Variants in PTPRT observed in about 807,000 individuals in gnomAD.
PTPRT encodes the protein protein tyrosine phosphatase receptor type T.
Under a neutral mutation model 176.8 loss-of-function variants are expected in PTPRT, and 56 were observed. That is an observed-to-expected ratio of 0.32 (90% CI 0.26 to 0.40). The LOEUF (loss-of-function observed/expected upper bound fraction) is 0.40, where lower values mean the gene tolerates loss of function less well. Among genes scored for constraint, PTPRT ranks in the 10% least tolerant of loss-of-function variants. The pLI is 1.00. For synonymous variants in PTPRT, 783 were observed against 739.0 expected, an observed-to-expected ratio of 1.06 and a Z score of -0.96; for missense variants, 1,540 against 1,908.2, an observed-to-expected ratio of 0.81 and a Z score of 3.60.
intron 12 of PTPRT, among the ~76,000 whole-genome samples, chr20:42,315,042 C>G (rs2057696211): frequency 2.0e-5 from 3 of 152,120 alleles, no homozygotes; most frequent in Non-Finnish European, 4.4e-5. Context: ...AATATTATGA[C>G]TGGTGCCAAT....
chr20:42,882,172 A>C (rs1191306450), intron 2 of PTPRT, among the ~76,000 whole-genome samples: 1 of 152,234 alleles, frequency 6.6e-6, no homozygotes, highest in Non-Finnish European at 1.5e-5. Context: ...TTACAGAAAG[A>C]AAAGCAAGAT....
chr20:42,652,418 G>A (rs2075049170), intron 7 of PTPRT, among the ~76,000 whole-genome samples: 1 of 152,148 alleles, frequency 6.6e-6, no homozygotes. Context: ...TGAGGAATGT[G>A]CTGAGGGATG....
chr20:42,691,514 G>T (rs1755301831), intron 6 of PTPRT, among the ~76,000 whole-genome samples: 1 of 152,120 alleles, frequency 6.6e-6, no homozygotes, highest in African/African-American at 2.4e-5. Context: ...GTCAGGAAGG[G>T]GTGTCCAGAT....
intron 16 of PTPRT, among the ~76,000 whole-genome samples, chr20:42,163,471 T>C (rs1179564874): frequency 6.6e-6 from 1 of 152,222 alleles, no homozygotes; most frequent in Non-Finnish European, 1.5e-5. Context: ...CTGGCATTGC[T>C]TAAATGTACC....
chr20:42,974,477 A>G (rs1028491707), intron 1 of PTPRT, among the ~76,000 whole-genome samples: 9 of 152,242 alleles, frequency 5.9e-5, no homozygotes, highest in Non-Finnish European at 1.3e-4. Context: ...ACGCGCGCAC[A>G]CACACACACA....
intron 1 of PTPRT, among the ~76,000 whole-genome samples, chr20:42,996,946 A>G (rs970866894): frequency 6.6e-6 from 1 of 152,200 alleles, no homozygotes; most frequent in Non-Finnish European, 1.5e-5. Context: ...CTTCTGTAAT[A>G]CTCAATAAAT....
chr20:42,775,190 C>A (rs2077118067), intron 4 of PTPRT, among the ~76,000 whole-genome samples: 2 of 152,122 alleles, frequency 1.3e-5, no homozygotes, highest in African/African-American at 4.8e-5. Flanking sequence ...GCATTTGGGG[C>A]AAAAATGCCT....
intron 4 of PTPRT, among the ~76,000 whole-genome samples, chr20:42,778,640 A>T (rs1317807417): frequency 6.6e-6 from 1 of 152,166 alleles, no homozygotes; most frequent in African/African-American, 2.4e-5. Flanking sequence ...AATTAAATGG[A>T]CCACAGGTAG....
intron 1 of PTPRT, among the ~76,000 whole-genome samples, chr20:43,080,219 G>A (rs2011401833): frequency 6.6e-6 from 1 of 152,130 alleles, no homozygotes; most frequent in Non-Finnish European, 1.5e-5. Context: ...GCCATTACAT[G>A]GTGCTTCTAT....
chr20:42,527,625 G>A (rs552948458), intron 7 of PTPRT, among the ~76,000 whole-genome samples: 41 of 152,316 alleles, frequency 2.7e-4, no homozygotes, highest in African/African-American at 9.9e-4. Context: ...AAGGGTCTTT[G>A]CTATCTCAAA....
chr20:43,173,609 C>T (rs2015056254), intron 1 of PTPRT, among the ~76,000 whole-genome samples: 1 of 152,194 alleles, frequency 6.6e-6, no homozygotes, highest in East Asian at 1.9e-4. Flanking sequence ...GCTGTGCTTG[C>T]GGGAGCCCCA....
intron 13 of PTPRT, among the ~76,000 whole-genome samples, chr20:42,265,394 C>T (rs1309543006): frequency 6.6e-6 from 1 of 152,216 alleles, no homozygotes; most frequent in African/African-American, 2.4e-5. Flanking sequence ...TAACAGTACT[C>T]TATTTGGCAG....
At chr20:42,779,070 T>C (rs2077178058) in intron 4 of PTPRT, among the ~76,000 whole-genome samples, 1 of 152,134 alleles carries the variant, frequency 6.6e-6, no homozygotes, top group Non-Finnish European at 1.5e-5. Flanking sequence ...TGTTCCAAAT[T>C]CCTCCAGAGA....
chr20:42,879,223 T>C (rs781638042), intron 2 of PTPRT, among the ~76,000 whole-genome samples: 2 of 152,152 alleles, frequency 1.3e-5, no homozygotes, highest in African/African-American at 4.8e-5. Context: ...ACCTATTGTC[T>C]CACAGTTCTG....
At chr20:42,982,292 C>T (rs1175586129) in intron 1 of PTPRT, among the ~76,000 whole-genome samples, 1 of 152,166 alleles carries the variant, frequency 6.6e-6, no homozygotes, top group African/African-American at 2.4e-5. Flanking sequence ...GACTAAGAAG[C>T]CATCCATCTG....
chr20:42,711,005 G>A (rs894468718), intron 6 of PTPRT, among the ~76,000 whole-genome samples: 8 of 152,210 alleles, frequency 5.3e-5, no homozygotes, highest in African/African-American at 1.9e-4. Flanking sequence ...CATGGGGCCT[G>A]TTGCCCTTTT....
rs930028193 is a variant in PTPRT, at chr20:42,453,654, C to CT, written c.1451-5326dup. The stretch of plus-strand genomic sequence containing the variant: ...TACTACAGGTACTATCCTGATTTTC[C>CT]TTTTTTTTCTTTTTCTTTTCTTTTT... On this transcript the variant is annotated intron_variant, in intron 8 of 30. Transcript: ENST00000373187. Among the ~76,000 whole-genome samples, 8 of 143,378 alleles carry CT rather than the reference C, an allele frequency of 5.6e-5. No individual in the cohort carries two copies. In the East Asian group the frequency reaches 6.1e-4, roughly 11 times the overall value. The allele number at this position is 143,378 out of a possible 152,430, so 94.1% of individuals were successfully genotyped here.
intron 7 of PTPRT, among the ~76,000 whole-genome samples, chr20:42,566,580 C>T (rs1009920729): frequency 2.0e-5 from 3 of 152,166 alleles, no homozygotes; most frequent in Admixed American, 2.0e-4. Flanking sequence ...AGGTGTTCCT[C>T]CAGGCACATT....
chr20:42,121,180 C>T (rs1445354640), intron 19 of PTPRT, among the ~76,000 whole-genome samples: 1 of 152,216 alleles, frequency 6.6e-6, no homozygotes, highest in Non-Finnish European at 1.5e-5. Flanking sequence ...GTACATTTCT[C>T]CACCTTTGTG....
Sources: gnomAD v4.1 joint callset for allele counts (sites outside exome capture counted in the v4.1 genomes callset) on GRCh38, gnomAD v4.1.1 for gene constraint, MANE v1.5 for transcripts, NCBI Gene and HGNC (gene_info 2026-07-23, HGNC 2026-07-21) for gene names.